The following MEF2C variants were observed in gnomAD, a reference collection of about 807,000 sequenced individuals.
The protein encoded by MEF2C is myocyte-specific enhancer factor 2C.
MEF2C carries 6 observed loss-of-function variants against 50.5 expected under a neutral mutation model. That is an observed-to-expected ratio of 0.12 (90% confidence interval 0.07 to 0.23). The LOEUF (loss-of-function observed/expected upper bound fraction) is 0.23, where lower values mean the gene tolerates loss of function less well. Ranked by LOEUF, MEF2C falls within the 10% of genes least tolerant of loss-of-function variation. MEF2C has a pLI of 1.00. For synonymous variants in MEF2C, 183 were observed against 228.0 expected (o/e 0.80, Z 1.78); for missense variants, 276 against 605.0 (o/e 0.46, Z 5.70).
intron 1 of MEF2C, among the ~76,000 whole-genome samples, chr5:88,845,121 C>A (rs1305977814): frequency 6.6e-6 from 1 of 152,148 alleles, no homozygotes; most frequent in Non-Finnish European, 1.5e-5. Flanking sequence ...TGTTTTAATT[C>A]CATGTTAATT....
Position 88,823,914 on chromosome 5 carries a change from T to A in MEF2C, c.-126A>T, listed in dbSNP as rs561460338. The A allele has an allele frequency of 6.8e-7, 1 of 1,469,148 alleles. No homozygotes were observed. The highest frequency in any genetic ancestry group is 1.4e-5 in the African/African-American group (1 of 70,394). The allele number at this position is 1,469,148 out of a possible 1,614,324, so 91.0% of individuals were successfully genotyped here. On this transcript the variant is annotated 5_prime_UTR_variant, in exon 2 of 11. Transcript: ENST00000504921. ...CACTTGCACAGCTCAGTTCCCAAAT[T>A]CCTGCATTCGTTCCTGCTGAACAAA...
intron 1 of MEF2C, among the ~76,000 whole-genome samples, chr5:88,897,980 A>G (rs982793287): frequency 6.6e-5 from 10 of 152,176 alleles, no homozygotes; most frequent in Non-Finnish European, 1.2e-4. Flanking sequence ...AGGAATCTGC[A>G]TTATAACAGG....
At chr5:88,777,888 A>ATT (rs1414203713) in intron 3 of MEF2C, among the ~76,000 whole-genome samples, 1 of 116,226 alleles carries the variant, frequency 8.6e-6, no homozygotes, top group Non-Finnish European at 1.9e-5. Context: ...AGGGTGCTAA[A>ATT]TTTTTCTTTT....
intron 1 of MEF2C, among the ~76,000 whole-genome samples, chr5:88,829,006 G>A (rs530431194): frequency 6.6e-6 from 1 of 151,528 alleles, no homozygotes; most frequent in Non-Finnish European, 1.5e-5. Flanking sequence ...CTCTTCTAAG[G>A]GTAATAAAAG....
At chr5:88,859,012 C>G (rs1824524304) in intron 1 of MEF2C, among the ~76,000 whole-genome samples, 1 of 152,192 alleles carries the variant, frequency 6.6e-6, no homozygotes, top group Non-Finnish European at 1.5e-5. Context: ...CACAAAAATT[C>G]TGCCTGTCTC....
intron 2 of MEF2C, among the ~76,000 whole-genome samples, chr5:88,816,392 C>T (rs1209895416): frequency 1.3e-5 from 2 of 148,764 alleles, no homozygotes; most frequent in African/African-American, 2.5e-5. Flanking sequence ...TTTCAAATTG[C>T]TAAGGGATAA....
At chr5:88,898,687 G>A (rs998260584) in intron 1 of MEF2C, among the ~76,000 whole-genome samples, 20 of 152,022 alleles carry the variant, frequency 1.3e-4, no homozygotes, top group African/African-American at 4.6e-4. Flanking sequence ...AACCTCTTTT[G>A]TATTAAGATT....
At chr5:88,791,604 G>A (rs976134971) in intron 3 of MEF2C, among the ~76,000 whole-genome samples, 18 of 152,058 alleles carry the variant, frequency 1.2e-4, no homozygotes, top group Admixed American at 9.2e-4. Context: ...GCAGCTCTTC[G>A]TGTTTATAAA....
chr5:88,759,869 T>C (rs1260165374), intron 4 of MEF2C, among the ~76,000 whole-genome samples: 3 of 152,238 alleles, frequency 2.0e-5, no homozygotes, highest in Non-Finnish European at 4.4e-5. Flanking sequence ...TTTAATTCAA[T>C]TCAGGTTTGA....
At chr5:88,749,505 A>G (rs1472462832) in intron 5 of MEF2C, 2 of 984,474 alleles carry the variant, frequency 2.0e-6, no homozygotes, top group African/African-American at 3.5e-5. Flanking sequence ...AATATGTTTT[A>G]TGCCATTAAT....
At chr5:88,841,899 T>A (rs1178383615) in intron 1 of MEF2C, among the ~76,000 whole-genome samples, 1 of 152,244 alleles carries the variant, frequency 6.6e-6, no homozygotes, top group Non-Finnish European at 1.5e-5. Context: ...TCTTTTGTTG[T>A]TGCTTTTGGT....
At chr5:88,854,499 G>T (rs1822556736) in intron 1 of MEF2C, among the ~76,000 whole-genome samples, 1 of 152,166 alleles carries the variant, frequency 6.6e-6, no homozygotes, top group South Asian at 2.1e-4. Context: ...CTGAAAGTCA[G>T]ATGTGGGAAA....
chr5:88,828,029 T>C (rs559633070), intron 1 of MEF2C, among the ~76,000 whole-genome samples: 2 of 151,954 alleles, frequency 1.3e-5, no homozygotes, highest in Non-Finnish European at 2.9e-5. Flanking sequence ...AAACTCTGCA[T>C]CTATAGTGAA....
chr5:88,780,772 G>A (rs1238260532), intron 3 of MEF2C: 2 of 985,264 alleles, frequency 2.0e-6, no homozygotes, highest in Non-Finnish European at 2.4e-6. Flanking sequence ...GAAACTGGCA[G>A]CATAGGGACA....
At chr5:88,730,696 G>A (rs1214105618) in intron 7 of MEF2C, among the ~76,000 whole-genome samples, 1 of 152,094 alleles carries the variant, frequency 6.6e-6, no homozygotes, top group Non-Finnish European at 1.5e-5. Flanking sequence ...CCCTGTAGGA[G>A]GTTATATTTA....
chr5:88,875,697 G>A (rs1830840159), intron 1 of MEF2C, among the ~76,000 whole-genome samples: 1 of 151,916 alleles, frequency 6.6e-6, no homozygotes, highest in Non-Finnish European at 1.5e-5. Flanking sequence ...AGTTAAAGAA[G>A]GGAAACATTA....
chr5:88,853,515 T>C (rs1822160509), intron 1 of MEF2C, among the ~76,000 whole-genome samples: 1 of 152,184 alleles, frequency 6.6e-6, no homozygotes, highest in Non-Finnish European at 1.5e-5. Context: ...AAAAGTGAAA[T>C]CTATGCAAAA....
At chr5:88,774,942 T>C (rs1318704198) in intron 3 of MEF2C, among the ~76,000 whole-genome samples, 2 of 152,228 alleles carry the variant, frequency 1.3e-5, no homozygotes, top group African/African-American at 4.8e-5. Flanking sequence ...AATGCCACTG[T>C]GTGCCTGCCT....
chr5:88,766,778 A>G (rs1338641610), intron 3 of MEF2C: 6 of 985,322 alleles, frequency 6.1e-6, no homozygotes, highest in Non-Finnish European at 6.0e-6. Flanking sequence ...TGTGTCAAGA[A>G]CACATGCAGG....
Sources: gnomAD v4.1 joint callset for allele counts (sites outside exome capture counted in the v4.1 genomes callset) on GRCh38, gnomAD v4.1.1 for gene constraint, MANE v1.5 for transcripts, NCBI Gene and HGNC (gene_info 2026-07-23, HGNC 2026-07-21) for gene names.